Variants in ARHGEF10L observed in about 807,000 individuals in gnomAD.
ARHGEF10L encodes rho guanine nucleotide exchange factor 10-like protein.
Under a neutral mutation model 141.2 loss-of-function variants are expected in ARHGEF10L, and 69 were observed. That is an observed-to-expected ratio of 0.49 (90% confidence interval 0.40 to 0.60). ARHGEF10L has a LOEUF of 0.60. Among genes scored for constraint, ARHGEF10L ranks in the 20% least tolerant of loss-of-function variants. The pLI is 0.00. For missense variants in ARHGEF10L, 1,482 were observed against 1,734.3 expected (o/e 0.85, Z 2.58); for synonymous variants, 711 against 718.5 (o/e 0.99, Z 0.17).
chr1:17,537,854 C>CAAAAA (rs10611023), upstream of ARHGEF10L, among the ~76,000 whole-genome samples: 135 of 79,424 alleles, frequency 1.7e-3, no homozygotes, highest in Non-Finnish European at 2.4e-3. Flanking sequence ...ACCATCTCTA[C>CAAAAA]AAAAAAAAAA....
chr1:17,622,314 A>G (rs1340077137), intron 11 of ARHGEF10L, among the ~76,000 whole-genome samples: 1 of 152,110 alleles, frequency 6.6e-6, no homozygotes, highest in African/African-American at 2.4e-5. Flanking sequence ...TGTAGGATGG[A>G]GTCCTCCTTC....
intron 26 of ARHGEF10L, among the ~76,000 whole-genome samples, chr1:17,676,219 T>G (rs2063703836): frequency 6.9e-6 from 1 of 144,838 alleles, no homozygotes; most frequent in Non-Finnish European, 1.5e-5. Context: ...CAGGTGTGGG[T>G]ACAGGTGTAT....
At position 17,560,396 on chromosome 1, in the gene ARHGEF10L, G is replaced by T. The variant is rs569786631; in HGVS notation, c.-43-20157G>T. 8.5e-5 allele frequency among the ~76,000 whole-genome samples: 13 copies of T among 152,290 alleles called. 1 individual carries two copies. The South Asian group carries it at 2.5e-3, about 29-fold the overall frequency. On this transcript the variant is annotated intron_variant, in intron 1 of 28. Transcript: ENST00000361221. ...CAAGGCAATGCTATGTGTATCAGAG[G>T]CACCTGAGGTTTGCTTTCTGGCTCC...
intron 1 of ARHGEF10L, among the ~76,000 whole-genome samples, chr1:17,577,268 ACTC>A (rs2078261984): frequency 6.6e-6 from 1 of 151,940 alleles, no homozygotes; most frequent in Admixed American, 6.6e-5. Context: ...CTGGTTTCGA[ACTC>A]CTGACCTCAA....
chr1:17,514,239 G>C, the ARHGEF10L span, among the ~76,000 whole-genome samples: 1 of 134,204 alleles, frequency 7.5e-6, no homozygotes, highest in South Asian at 2.5e-4. Flanking sequence ...GAGTTTAAAT[G>C]ATTCTCCTGC....
chr1:17,670,274 C>T (rs2063239316), intron 26 of ARHGEF10L, among the ~76,000 whole-genome samples: 1 of 152,202 alleles, frequency 6.6e-6, no homozygotes, highest in Admixed American at 6.5e-5. Context: ...GAGCTGGCAC[C>T]CGCGGTCTGT....
the ARHGEF10L span, among the ~76,000 whole-genome samples, chr1:17,529,284 C>T: frequency 4.6e-5 from 7 of 152,262 alleles, no homozygotes; most frequent in African/African-American, 7.2e-5. Context: ...TTTACAGGCA[C>T]GAGTCACCAC....
intron 26 of ARHGEF10L, among the ~76,000 whole-genome samples, chr1:17,682,615 C>G (rs539951872): frequency 6.6e-6 from 1 of 152,216 alleles, no homozygotes; most frequent in Admixed American, 6.5e-5. Context: ...TGTTTGCAGA[C>G]GGCTGCTCTA....
intron 4 of ARHGEF10L, among the ~76,000 whole-genome samples, chr1:17,590,085 G>T (rs150916349): frequency 1.8e-3 from 277 of 152,216 alleles, no homozygotes; most frequent in African/African-American, 6.4e-3. Flanking sequence ...CCAGGAGTTA[G>T]GTGATGTGCT....
intron 26 of ARHGEF10L, among the ~76,000 whole-genome samples, chr1:17,682,502 C>T (rs1157511631): frequency 6.6e-6 from 1 of 152,172 alleles, no homozygotes; most frequent in African/African-American, 2.4e-5. Flanking sequence ...ATGCCATGAT[C>T]CTGAGCTACT....
intron 23 of ARHGEF10L, among the ~76,000 whole-genome samples, chr1:17,655,523 A>G (rs1286594867): frequency 6.6e-6 from 1 of 152,194 alleles, no homozygotes; most frequent in African/African-American, 2.4e-5. Flanking sequence ...GTATGTATCT[A>G]TCATATGCTA....
rs553457956 is a variant in ARHGEF10L at position 17,693,281 on chromosome 1, T to C, written c.3185-1877T>C. 4.6e-4 allele frequency among the ~76,000 whole-genome samples: 70 copies of C among 152,338 alleles called. 1 individual carries two copies. The South Asian group carries it at 7.9e-3, about 17-fold the overall frequency. ...ACATGTCCATCATCAAAGAAAGTTC[T>C]AGAGTGTCTGCTCCTTAAGACAGGA... On this transcript the variant is annotated intron_variant, in intron 27 of 28. Transcript: ENST00000361221.
intron 2 of ARHGEF10L, among the ~76,000 whole-genome samples, chr1:17,583,861 T>C (rs1570620306): frequency 1.4e-5 from 2 of 145,438 alleles, no homozygotes; most frequent in Non-Finnish European, 3.0e-5. Flanking sequence ...TTTAAACAAA[T>C]TTTTTTTTGA....
intron 1 of ARHGEF10L, among the ~76,000 whole-genome samples, chr1:17,556,506 A>G (rs1314450264): frequency 1.3e-5 from 2 of 152,078 alleles, no homozygotes; most frequent in East Asian, 3.9e-4. Flanking sequence ...TACATTTCGT[A>G]CCTTTTGGCC....
chr1:17,539,704 C>T lies in ARHGEF10L; in HGVS notation c.-290C>T, dbSNP rs2076643208. 6.9e-6 allele frequency: 1 copy of T among 145,156 alleles called. No individual in the cohort carries two copies. The highest frequency in any genetic ancestry group is 2.5e-5 in the African/African-American group (1 of 40,432). The allele number at this position is 145,156 out of a possible 1,614,324, so 9.0% of individuals were successfully genotyped here. ...GGCGGGCGGGGGCGGCGCCGCGTCGCGCACGGCGGCGGCGGCGGGACCAGG... is the reference window on the plus strand; with the variant it reads ...GGCGGGCGGGGGCGGCGCCGCGTCGTGCACGGCGGCGGCGGCGGGACCAGG... On this transcript the variant is annotated 5_prime_UTR_variant, in exon 1 of 29. Coordinates refer to ENST00000361221, the MANE Select transcript of ARHGEF10L (RefSeq NM_018125.4). The surrounding 1 kb of genome is among the most constrained non-coding windows in gnomAD (Gnocchi z 6.0).
chr1:17,588,554 A>G, intron 4 of ARHGEF10L, 75 bp downstream of exon 4: 10 of 1,587,300 alleles, frequency 6.3e-6, no homozygotes, highest in Non-Finnish European at 7.8e-6. Context: ...GATGGGGTGG[A>G]GCTGAGGCCC....
intron 1 of ARHGEF10L, among the ~76,000 whole-genome samples, chr1:17,540,585 G>C (rs923637242): frequency 6.6e-6 from 1 of 152,172 alleles, no homozygotes; most frequent in Non-Finnish European, 1.5e-5. Context: ...GATGGCCTCC[G>C]AGAGGGAGAG....
the ARHGEF10L span, among the ~76,000 whole-genome samples, chr1:17,525,957 C>A: frequency 6.7e-6 from 1 of 149,992 alleles, no homozygotes; most frequent in Admixed American, 6.6e-5. Context: ...AGCTGAGATC[C>A]CACCACTGCA....
intron 1 of ARHGEF10L, among the ~76,000 whole-genome samples, chr1:17,565,059 T>C (rs1189721943): frequency 6.6e-6 from 1 of 152,190 alleles, no homozygotes; most frequent in Non-Finnish European, 1.5e-5. Flanking sequence ...TTCTCAAAGT[T>C]CTGAAGGCTG....
Sources: allele counts gnomAD v4.1 joint callset (sites outside exome capture counted in the v4.1 genomes callset), GRCh38; gene constraint gnomAD v4.1.1; non-coding constraint Gnocchi (gnomAD v3.1); transcripts MANE v1.5; gene names NCBI Gene and HGNC (gene_info 2026-07-23, HGNC 2026-07-21).